UBE2J2: variants seen among roughly 807,000 people sequenced by gnomAD.
The protein encoded by UBE2J2 is ubiquitin conjugating enzyme E2 J2.
In UBE2J2, 5 loss-of-function variants were observed where a neutral mutation model predicts 28.6. The observed-to-expected ratio is 0.17, with a 90% CI of 0.09 to 0.37. The LOEUF (loss-of-function observed/expected upper bound fraction) is 0.37, where lower values mean the gene tolerates loss of function less well. UBE2J2 is among the 10% of genes least tolerant of loss of function. The pLI is 1.00. For missense variants in UBE2J2, 226 were observed against 338.9 expected (o/e 0.67, Z 2.62); for synonymous variants, 138 against 139.7 (o/e 0.99, Z 0.09).
chr1:1,267,656 G>A, intron 2 of UBE2J2: 2 of 1,294,586 alleles, frequency 1.5e-6, no homozygotes, highest in Non-Finnish European at 2.0e-6. Flanking sequence ...GTCAAGCATG[G>A]CTCTGTGATG....
chr1:1,273,079 G>A (rs1018189033), intron 1 of UBE2J2: 4 of 152,326 alleles, frequency 2.6e-5, no homozygotes, highest in African/African-American at 7.2e-5. Flanking sequence ...AAGGACGCCA[G>A]GAGGTGACAC....
At chr1:1,265,599 TC>T (rs1639807530) in intron 2 of UBE2J2, among the ~76,000 whole-genome samples, 2 of 119,704 alleles carry the variant, frequency 1.7e-5, no homozygotes, top group African/African-American at 7.1e-5. Context: ...GTGTTTTCTC[TC>T]CATTGTGTGT....
chr1:1,270,623 C>T (rs927059970), intron 1 of UBE2J2, among the ~76,000 whole-genome samples: 2 of 152,174 alleles, frequency 1.3e-5, no homozygotes, highest in African/African-American at 4.8e-5. Flanking sequence ...CCACAGGAGC[C>T]TCCCAACTCC....
rs1173833433 is a variant in UBE2J2 at position 1,255,180 on chromosome 1, C to A, written c.*23G>T. 1.9e-6 allele frequency: 3 copies of A among 1,562,496 alleles called. No homozygotes were observed. The highest frequency in any genetic ancestry group is 3.6e-5 in the Admixed American group (2 of 56,274). On this transcript the variant is annotated 3_prime_UTR_variant, in exon 7 of 7. Coordinates refer to ENST00000349431, the MANE Select transcript of UBE2J2 (RefSeq NM_058167.3). ...CTGGTGCGCGGTGCCCTCAGTGGCG[C>A]CTTGGGTCTCGGCGCCTGGGCCTCA...
At chr1:1,265,476 G>A (rs935273826) in intron 2 of UBE2J2, among the ~76,000 whole-genome samples, 21 of 152,080 alleles carry the variant, frequency 1.4e-4, no homozygotes, top group Admixed American at 2.6e-4. Flanking sequence ...TTCCACACAT[G>A]CCGTCCAAAC....
intron 2 of UBE2J2, chr1:1,266,274 A>C (rs1639856769): frequency 2.4e-5 from 21 of 870,414 alleles, no homozygotes; most frequent in South Asian, 1.2e-4. Context: ...CTTTCAACTC[A>C]CTGAAATATC....
chr1:1,256,268 C>T (rs549285955), intron 5 of UBE2J2, 143 bp from the exon 6 acceptor site: 6 of 603,540 alleles, frequency 9.9e-6, no homozygotes, highest in Non-Finnish European at 1.5e-5. Flanking sequence ...AGCAAACTAA[C>T]TTATAGTCTT....
At chr1:1,255,915 C>T in intron 6 of UBE2J2, 130 bp downstream of exon 6, 1 of 736,364 alleles carries the variant, frequency 1.4e-6, no homozygotes, top group Non-Finnish European at 2.3e-6. Context: ...TGCCTCGGGG[C>T]TCCTGGGGGA....
intron 2 of UBE2J2, among the ~76,000 whole-genome samples, chr1:1,267,520 T>C (rs185601862): frequency 6.6e-6 from 1 of 152,280 alleles, no homozygotes; most frequent in East Asian, 1.9e-4. Context: ...CTGTGAACCC[T>C]GCATACCTGG....
At chr1:1,256,758 C>G (rs371843109) in intron 5 of UBE2J2, among the ~76,000 whole-genome samples, 2 of 151,862 alleles carry the variant, frequency 1.3e-5, no homozygotes, top group African/African-American at 4.8e-5. Context: ...TGGTGGCGGG[C>G]GCCTGTAGTC....
At position 1,256,100 on chromosome 1, in the gene UBE2J2, A is replaced by G. The variant is rs779086490; in HGVS notation, c.440T>C (p.Leu147Ser). 1 of 1,613,472 alleles carries G rather than the reference A, an allele frequency of 6.2e-7. No individual in the cohort carries two copies. The highest frequency in any genetic ancestry group is 8.5e-7 in the Non-Finnish European group (1 of 1,179,460). ...FTKRQLAVQS[L>S]AFNLKDKVFC... ...GACTTTATCTTTCAAATTAAATGCT[A>G]AACTCTGCACTGCCAGTTGTCTTTT... The change falls in exon 6 of 7, where the codon TTA (leucine) becomes TCA (serine). Residue 147 changes from leucine to serine, a missense_variant. Physicochemically the swap from Leu to Ser is moderately radical, Grantham distance 145. Transcript: ENST00000349431.
At chr1:1,259,845 G>GAA in intron 3 of UBE2J2, among the ~76,000 whole-genome samples, 1 of 152,298 alleles carries the variant, frequency 6.6e-6, no homozygotes, top group South Asian at 2.1e-4. Flanking sequence ...CTCCCCAAGG[G>GAA]AAACCTGTGT....
intron 3 of UBE2J2, among the ~76,000 whole-genome samples, chr1:1,259,619 G>A (rs1639436667): frequency 1.3e-5 from 2 of 152,138 alleles, no homozygotes; most frequent in Non-Finnish European, 2.9e-5. Flanking sequence ...CCAGAAGCGG[G>A]GCTGCCACCC....
intron 2 of UBE2J2, chr1:1,266,289 C>T: frequency 1.2e-6 from 1 of 843,310 alleles, no homozygotes; most frequent in Non-Finnish European, 1.6e-6. Context: ...AATATCTTTT[C>T]TCTGGAATTA....
At chr1:1,269,653 G>A (rs1248750999) in intron 1 of UBE2J2, among the ~76,000 whole-genome samples, 5 of 151,932 alleles carry the variant, frequency 3.3e-5, no homozygotes, top group East Asian at 1.9e-4. Flanking sequence ...TAGTAGAGAC[G>A]GGGTTTCACC....
intron 3 of UBE2J2, chr1:1,263,094 A>G (rs75882474): frequency 4.5e-6 from 2 of 449,068 alleles, no homozygotes; most frequent in East Asian, 6.9e-5. Context: ...TTTCTCAGCT[A>G]TGGCCCTATG....
intron 3 of UBE2J2, among the ~76,000 whole-genome samples, chr1:1,258,788 C>T (rs546386229): frequency 5.6e-4 from 85 of 152,400 alleles, no homozygotes; most frequent in African/African-American, 1.8e-3. Context: ...GAGCCGCACA[C>T]CCTGTGTGGC....
chr1:1,271,974 C>CAAAAAAAAAAAAAAAAAAAAAAAAAAA, intron 1 of UBE2J2, among the ~76,000 whole-genome samples: 2 of 27,616 alleles, frequency 7.2e-5, no homozygotes, highest in East Asian at 2.0e-3. Flanking sequence ...AACTCCGTCT[C>CAAAAAAAAAAAAAAAAAAAAAAAAAAA]AAAAAAAAAA....
chr1:1,258,111 C>A (rs1639317336), intron 3 of UBE2J2, among the ~76,000 whole-genome samples: 1 of 151,968 alleles, frequency 6.6e-6, no homozygotes, highest in Admixed American at 6.6e-5. Context: ...TCGATCCTGG[C>A]TCACTGCAAC....
Sources: allele counts gnomAD v4.1 joint callset (sites outside exome capture counted in the v4.1 genomes callset), GRCh38; gene constraint gnomAD v4.1.1; transcripts MANE v1.5; gene names NCBI Gene and HGNC (gene_info 2026-07-23, HGNC 2026-07-21).